Variants in NCEH1 observed in about 807,000 individuals in gnomAD.
NCEH1 encodes 2-acetyl MAGE hydrolase.
NCEH1 carries 9 observed loss-of-function variants against 25.4 expected under a neutral mutation model. The observed-to-expected ratio is 0.35, with a 90% confidence interval of 0.21 to 0.62. The LOEUF (loss-of-function observed/expected upper bound fraction) is 0.62, where lower values mean the gene tolerates loss of function less well. NCEH1 is among the 20% of genes least tolerant of loss of function. The pLI, the probability that NCEH1 is intolerant of heterozygous loss-of-function variation, is 0.72. For synonymous variants in NCEH1, 200 were observed against 199.8 expected (o/e 1.00, Z -0.01); for missense variants, 412 against 501.1 (o/e 0.82, Z 1.70).
chr3:172,664,932 A>G lies in NCEH1; in HGVS notation c.139-16818T>C, dbSNP rs567482994. Reference sequence around the variant, plus strand: ...CTCCTTTAGCTGGGAGAAGTTTGTCATTACCGATTTTCTGAAGCCTAATTC... The same window carrying G: ...CTCCTTTAGCTGGGAGAAGTTTGTCGTTACCGATTTTCTGAAGCCTAATTC... On this transcript the variant is annotated intron_variant, in intron 1 of 4. Transcript: ENST00000475381. Among the ~76,000 whole-genome samples, 77 of 152,174 alleles carry G rather than the reference A, an allele frequency of 5.1e-4. 2 individuals carry two copies. Among genetic ancestry groups the G allele is most frequent in the Admixed American group, 5.0e-3 (77 of 15,292 alleles).
rs1716484065 is a variant in NCEH1, at chr3:172,633,861, C to T, written c.841G>A (p.Ala281Thr). Residue 281 changes from alanine to threonine, a missense_variant, in exon 5 of 5, where the codon GCT (alanine) becomes ACT (threonine). By Grantham distance (58) the Ala-to-Thr change is moderately conservative. Coordinates refer to ENST00000475381, the MANE Select transcript of NCEH1 (RefSeq NM_020792.6). Reference sequence around the variant, plus strand: ...GTCCAGTTTAGACGGGCCCTGACAGCAGCAGCCTCTTCCACATCAAGTGAA... The same window carrying T: ...GTCCAGTTTAGACGGGCCCTGACAGTAGCAGCCTCTTCCACATCAAGTGAA... ...HTSLDVEEAA[A>T]VRARLNWTSL... 1.9e-6 allele frequency: 3 copies of T among 1,614,240 alleles called. No individual in the cohort carries two copies. The highest frequency in any genetic ancestry group is 4.5e-5 in the East Asian group (2 of 44,888).
intron 3 of NCEH1, among the ~76,000 whole-genome samples, chr3:172,642,254 G>A (rs1716886882): frequency 6.6e-6 from 1 of 151,856 alleles, no homozygotes; most frequent in Non-Finnish European, 1.5e-5. Context: ...GCTCACTGCA[G>A]CCTTGATCTC....
intron 1 of NCEH1, among the ~76,000 whole-genome samples, chr3:172,690,185 G>T (rs548656759): frequency 4.0e-4 from 61 of 152,272 alleles, no homozygotes; most frequent in African/African-American, 1.4e-3. Context: ...TTACAAGCGT[G>T]AGCCACCGCA....
At chr3:172,680,548 G>A (rs1712294437) in intron 1 of NCEH1, among the ~76,000 whole-genome samples, 1 of 152,138 alleles carries the variant, frequency 6.6e-6, no homozygotes. Context: ...CCAGGATGGT[G>A]GACAGCCATA....
At chr3:172,675,131 G>A (rs1239318907) in intron 1 of NCEH1, among the ~76,000 whole-genome samples, 1 of 152,092 alleles carries the variant, frequency 6.6e-6, no homozygotes, top group East Asian at 1.9e-4. Flanking sequence ...CCAACATGGT[G>A]AAACCCCAGC....
chr3:172,638,276 CAAAAAAAAA>C (rs57018096), intron 3 of NCEH1, among the ~76,000 whole-genome samples: 2 of 22,576 alleles, frequency 8.9e-5, no homozygotes, highest in African/African-American at 2.5e-4. Context: ...AGACTCTGTC[CAAAAAAAAA>C]AAAAAAAAAA....
At chr3:172,700,282 T>A (rs967391124) in intron 1 of NCEH1, among the ~76,000 whole-genome samples, 3 of 151,912 alleles carry the variant, frequency 2.0e-5, no homozygotes, top group African/African-American at 7.3e-5. Flanking sequence ...GCTTCCAGAA[T>A]CCCCAGTATA....
intron 3 of NCEH1, among the ~76,000 whole-genome samples, chr3:172,642,850 G>C (rs1297203427): frequency 2.6e-5 from 4 of 152,170 alleles, no homozygotes. Flanking sequence ...CACACTCCAA[G>C]CCTTGTACTG....
intron 1 of NCEH1, among the ~76,000 whole-genome samples, chr3:172,683,203 A>C (rs1712493618): frequency 7.9e-6 from 1 of 127,162 alleles, no homozygotes; most frequent in African/African-American, 3.1e-5. Flanking sequence ...GGAGATCGAG[A>C]CCATCCCAGC....
At chr3:172,668,315 C>CA (rs79200665) in intron 1 of NCEH1, among the ~76,000 whole-genome samples, 20,565 of 147,304 alleles carry the variant, frequency 0.14, 1,601 homozygotes, top group East Asian at 0.2. Context: ...ACTGGAACAC[C>CA]AATAAGCTCA....
intron 1 of NCEH1, among the ~76,000 whole-genome samples, chr3:172,691,895 C>A (rs1332193294): frequency 1.4e-4 from 1 of 7,068 alleles, no homozygotes; most frequent in African/African-American, 1.4e-3. Context: ...TGCAGTGAGC[C>A]GAGATCGTGC....
intron 1 of NCEH1, among the ~76,000 whole-genome samples, chr3:172,666,923 A>G (rs1718234447): frequency 6.6e-6 from 1 of 152,186 alleles, no homozygotes. Context: ...TTCTAGGAAC[A>G]GAGTTCTCCC....
chr3:172,697,674 G>C (rs574611765), intron 1 of NCEH1, among the ~76,000 whole-genome samples: 1 of 150,868 alleles, frequency 6.6e-6, no homozygotes, highest in Non-Finnish European at 1.5e-5. Context: ...TGGAGGGAGA[G>C]GAGGGAGAAG....
chr3:172,641,073 T>C (rs970739094), intron 3 of NCEH1, among the ~76,000 whole-genome samples: 2 of 152,082 alleles, frequency 1.3e-5, no homozygotes, highest in Non-Finnish European at 2.9e-5. Context: ...CACTCCACCC[T>C]AGGCAACAGA....
Position 172,648,193 on chromosome 3 carries a change from G to A in NCEH1, c.139-79C>T, listed in dbSNP as rs1268731027. ...CCAGAGCTGCCCTCACCAACTGAGT[G>A]TCTGAATTCCTACAAGCAGCTGCCA... On this transcript the variant is annotated intron_variant, in intron 1 of 4. Coordinates refer to ENST00000475381, the MANE Select transcript of NCEH1 (RefSeq NM_020792.6). 5.9e-6 allele frequency: 9 copies of A among 1,529,496 alleles called. No individual in the cohort carries two copies. In the Admixed American group the frequency reaches 1.4e-4, roughly 24 times the overall value. The allele number at this position is 1,529,496 out of a possible 1,614,324, so 94.7% of individuals were successfully genotyped here.
chr3:172,651,975 G>T (rs376033336), intron 1 of NCEH1, among the ~76,000 whole-genome samples: 6 of 152,320 alleles, frequency 3.9e-5, no homozygotes, highest in East Asian at 1.9e-4. Context: ...AGAAAGTGTT[G>T]CAGAGGAAAT....
intron 1 of NCEH1, among the ~76,000 whole-genome samples, chr3:172,671,707 T>C (rs1341038850): frequency 6.6e-6 from 1 of 151,988 alleles, no homozygotes; most frequent in Non-Finnish European, 1.5e-5. Context: ...CACATGCACA[T>C]ATCAGGTGTA....
chr3:172,688,941 C>T (rs1054684176), intron 1 of NCEH1, among the ~76,000 whole-genome samples: 6 of 152,152 alleles, frequency 3.9e-5, no homozygotes, highest in African/African-American at 1.2e-4. Context: ...TTTCAGAGCA[C>T]GTAAATGTCT....
chr3:172,708,465 C>T (rs1420888940), intron 1 of NCEH1, among the ~76,000 whole-genome samples: 1 of 152,208 alleles, frequency 6.6e-6, no homozygotes, highest in Admixed American at 6.5e-5. Context: ...AAGCGATTCT[C>T]CTGCCTCAGC....
Sources: allele counts gnomAD v4.1 joint callset (sites outside exome capture counted in the v4.1 genomes callset), GRCh38; gene constraint gnomAD v4.1.1; transcripts MANE v1.5; gene names NCBI Gene and HGNC (gene_info 2026-07-23, HGNC 2026-07-21).